Variants in ZNF804B observed in about 807,000 individuals in gnomAD.
ZNF804B encodes the protein zinc finger 804B.
In ZNF804B, 80 loss-of-function variants were observed where a neutral mutation model predicts 101.4. The ratio of observed to expected loss-of-function variants is 0.79; its 90% confidence interval spans 0.66 to 0.95. The LOEUF (loss-of-function observed/expected upper bound fraction) is 0.95, where lower values mean the gene tolerates loss of function less well. ZNF804B is among the 40% of genes least tolerant of loss of function. ZNF804B has a pLI of 0.00. For synonymous variants in ZNF804B, 622 were observed against 558.8 expected, an observed-to-expected ratio of 1.11 and a Z score of -1.59; for missense variants, 1,673 against 1,561.9, an observed-to-expected ratio of 1.07 and a Z score of -1.20.
In ZNF804B at chr7:89,094,186, C is replaced by T. The variant is rs577368170; in HGVS notation, c.109-123969C>T. Among the ~76,000 whole-genome samples the T allele has an allele frequency of 2.6e-5, 4 of 152,220 alleles. 1 individual carries two copies. The South Asian group carries it at 8.3e-4, about 32-fold the overall frequency. ...TTCTAGGCCATTTAGGTCACATGTT[C>T]ATTCTAAAAGTTCTAAAAATCTCAA... On this transcript the variant is annotated intron_variant, in intron 1 of 3. Transcript: ENST00000333190.
chr7:88,889,217 T>A (rs1285300214), intron 1 of ZNF804B, among the ~76,000 whole-genome samples: 1 of 152,126 alleles, frequency 6.6e-6, no homozygotes, highest in Non-Finnish European at 1.5e-5. Context: ...GTTGATTCCA[T>A]GTTTTTGTTA....
chr7:88,817,355 A>C (rs189395507), intron 1 of ZNF804B, among the ~76,000 whole-genome samples: 22 of 152,122 alleles, frequency 1.4e-4, no homozygotes, highest in Non-Finnish European at 2.8e-4. Context: ...CCTTGTGCAC[A>C]TGTACGCTAG....
At chr7:89,247,659 A>G (rs147469754) in intron 2 of ZNF804B, among the ~76,000 whole-genome samples, 3 of 152,300 alleles carry the variant, frequency 2.0e-5, no homozygotes, top group Non-Finnish European at 4.4e-5. Flanking sequence ...TAGTCTCCAG[A>G]TGACAAGGAA....
chr7:88,781,557 G>C (rs1243257928), intron 1 of ZNF804B, among the ~76,000 whole-genome samples: 1 of 152,156 alleles, frequency 6.6e-6, no homozygotes, highest in African/African-American at 2.4e-5. Context: ...TGGAAAGTGT[G>C]GGCCAGCAGA....
chr7:88,769,566 T>C lies in ZNF804B; in HGVS notation c.108+9482T>C, dbSNP rs556026424. On this transcript the variant is annotated intron_variant, in intron 1 of 3. Transcript: ENST00000333190. ...CGTATTTTTTCATTGGTGGCATATT[T>C]AACAGCTTCTGATAAATGAATTACA... 8.9e-4 allele frequency among the ~76,000 whole-genome samples: 136 copies of C among 152,326 alleles called. 2 individuals are homozygous for C. The highest frequency in any genetic ancestry group is 3.4e-3 in the Middle Eastern group (1 of 294).
At chr7:88,821,143 A>G (rs1332435789) in intron 1 of ZNF804B, among the ~76,000 whole-genome samples, 1 of 152,192 alleles carries the variant, frequency 6.6e-6, no homozygotes, top group African/African-American at 2.4e-5. Context: ...TCTATTATGT[A>G]AATGTCAAGA....
rs183450763 is a variant in ZNF804B, at chr7:89,050,166, T to A, written c.109-167989T>A. Among the ~76,000 whole-genome samples, 1,049 of 152,214 alleles carry A rather than the reference T, an allele frequency of 6.9e-3. 7 individuals carry two copies. The highest frequency in any genetic ancestry group is 7.8e-3 in the Non-Finnish European group (532 of 67,994). On this transcript the variant is annotated intron_variant, in intron 1 of 3. Transcript: ENST00000333190. ...AATCGTATTTCGGAAGATAAAGTTTTAAAAAAATTTTAAAGGCAATGACAA... is the reference window on the plus strand; with the variant it reads ...AATCGTATTTCGGAAGATAAAGTTTAAAAAAAATTTTAAAGGCAATGACAA...
chr7:89,331,790 GT>G (rs1212508892), intron 3 of ZNF804B, among the ~76,000 whole-genome samples: 1 of 151,326 alleles, frequency 6.6e-6, no homozygotes, highest in Non-Finnish European at 1.5e-5. Context: ...ACAGAATAAA[GT>G]ACTGAGATAA....
At chr7:89,152,571 C>A (rs73202576) in intron 1 of ZNF804B, among the ~76,000 whole-genome samples, 1 of 151,850 alleles carries the variant, frequency 6.6e-6, no homozygotes, top group Admixed American at 6.6e-5. Context: ...TTATTATGAT[C>A]TTTATGTTTC....
At chr7:89,138,004 C>T (rs761316350) in intron 1 of ZNF804B, among the ~76,000 whole-genome samples, 2 of 152,134 alleles carry the variant, frequency 1.3e-5, no homozygotes, top group Non-Finnish European at 2.9e-5. Context: ...TCAGAGGGTG[C>T]AAGCCCGAGC....
At chr7:89,055,201 T>A (rs915703280) in intron 1 of ZNF804B, among the ~76,000 whole-genome samples, 1 of 152,022 alleles carries the variant, frequency 6.6e-6, no homozygotes, top group Admixed American at 6.6e-5. Context: ...GGAAGAATCC[T>A]TCTGAGGAAA....
intron 2 of ZNF804B, among the ~76,000 whole-genome samples, chr7:89,289,086 A>G (rs997920523): frequency 4.6e-5 from 7 of 152,314 alleles, no homozygotes; most frequent in African/African-American, 1.7e-4. Context: ...GAAACAAGAC[A>G]CAAATTAAAA....
intron 1 of ZNF804B, among the ~76,000 whole-genome samples, chr7:89,150,607 A>G (rs1236236705): frequency 2.0e-5 from 3 of 152,158 alleles, no homozygotes; most frequent in Non-Finnish European, 4.4e-5. Context: ...TTTAAGATTT[A>G]TAGAGAGGAT....
chr7:88,918,705 A>G (rs1792673705), intron 1 of ZNF804B, among the ~76,000 whole-genome samples: 1 of 152,112 alleles, frequency 6.6e-6, no homozygotes, highest in Non-Finnish European at 1.5e-5. Context: ...GAAAACCAAG[A>G]TGAATTTTTA....
At chr7:88,854,542 CCTT>C (rs1583977796) in intron 1 of ZNF804B, among the ~76,000 whole-genome samples, 2 of 87,668 alleles carry the variant, frequency 2.3e-5, no homozygotes, top group East Asian at 5.5e-4. Flanking sequence ...TTCCTTCCTT[CCTT>C]CCTTCCTTCC....
chr7:88,863,571 A>C (rs1240411394), intron 1 of ZNF804B, among the ~76,000 whole-genome samples: 1 of 152,234 alleles, frequency 6.6e-6, no homozygotes, highest in Non-Finnish European at 1.5e-5. Flanking sequence ...AATGAAATGA[A>C]TAATACTTTA....
At chr7:89,102,135 C>T (rs1163364719) in intron 1 of ZNF804B, among the ~76,000 whole-genome samples, 2 of 151,942 alleles carry the variant, frequency 1.3e-5, no homozygotes, top group Non-Finnish European at 2.9e-5. Flanking sequence ...CTGTGATAAA[C>T]ATGTGAATGC....
At chr7:89,295,877 C>G (rs926566040) in intron 2 of ZNF804B, among the ~76,000 whole-genome samples, 2 of 152,064 alleles carry the variant, frequency 1.3e-5, no homozygotes, top group African/African-American at 4.8e-5. Context: ...CTGGAGGACA[C>G]TATTCTAAGT....
intron 2 of ZNF804B, among the ~76,000 whole-genome samples, chr7:89,301,099 G>GTT (rs5885673): frequency 0.098 from 7,553 of 77,032 alleles, 305 homozygotes; most frequent in South Asian, 0.12. Context: ...TTTCAAGCGT[G>GTT]TTTTTTTTTT....
Sources: allele counts gnomAD v4.1 joint callset (sites outside exome capture counted in the v4.1 genomes callset), GRCh38; gene constraint gnomAD v4.1.1; transcripts MANE v1.5; gene names NCBI Gene and HGNC (gene_info 2026-07-23, HGNC 2026-07-21).